The following LMTK3 variants were observed in gnomAD, a reference collection of about 807,000 sequenced individuals.
The protein encoded by LMTK3 is serine/threonine-protein kinase LMTK3.
In LMTK3, 27 loss-of-function variants were observed where a neutral mutation model predicts 116.7. The ratio of observed to expected loss-of-function variants is 0.23; its 90% CI spans 0.17 to 0.32. The LOEUF is 0.32. LMTK3 is among the 10% of genes least tolerant of loss of function. LMTK3 has a pLI of 1.00. For synonymous variants in LMTK3, 965 were observed against 971.0 expected, an observed-to-expected ratio of 0.99 and a Z score of 0.11; for missense variants, 1,764 against 2,068.5, an observed-to-expected ratio of 0.85 and a Z score of 2.86.
Position 48,499,397 on chromosome 19 carries a change from C to A in LMTK3, c.1672G>T (p.Asp558Tyr). Residue 558 changes from aspartate to tyrosine, a missense_variant, in exon 11 of 15, where the codon GAC becomes TAC. Physicochemically the swap from Asp to Tyr is radical, Grantham distance 160. Coordinates refer to ENST00000600059, the MANE Select transcript of LMTK3 (RefSeq NM_001388485.1). Reference protein sequence around the residue: ...PPEPLFPNDWDPLDPGVPAPQ... With the variant: ...PPEPLFPNDWYPLDPGVPAPQ... ...GCGGGCACTCCTGGGTCCAGGGGGT[C>A]CCAGTCGTTGGGGAAGAGGGGCTCA... 6.9e-7 allele frequency: 1 copy of A among 1,447,616 alleles called. No individual in the cohort carries two copies. The highest frequency in any genetic ancestry group is 1.5e-5 in the South Asian group (1 of 67,942). The allele number at this position is 1,447,616 out of a possible 1,614,324, so 89.7% of individuals were successfully genotyped here. A position where few individuals can be genotyped will look rare whatever the true frequency, so the allele number is the denominator to read the frequency against.
At chr19:48,512,698 A>G (rs577158115), upstream of LMTK3, among the ~76,000 whole-genome samples, 294 of 152,270 alleles carry the variant, frequency 1.9e-3, 2 homozygotes, top group African/African-American at 6.9e-3. Context: ...CGTAACATGC[A>G]TCACTCACAC....
Position 48,494,231 on chromosome 19 carries a change from A to C in LMTK3, c.3677-122T>G. On this transcript the variant is annotated intron_variant, in intron 11 of 14. Transcript: ENST00000600059. The surrounding 1 kb of genome is among the most constrained non-coding windows in gnomAD (Gnocchi z 4.0). Reference sequence around the variant, plus strand: ...CTGGGCCTCAGCACCCACTTTGTGAACGGAAGGGCTGCACCAGGGCTTCTC... The same window carrying C: ...CTGGGCCTCAGCACCCACTTTGTGACCGGAAGGGCTGCACCAGGGCTTCTC... 4.2e-6 allele frequency: 2 copies of C among 477,586 alleles called. No individual in the cohort carries two copies. Among genetic ancestry groups the C allele is most frequent in the Non-Finnish European group, 5.8e-6 (2 of 344,674 alleles). 29.6% of individuals were successfully genotyped at this position (477,586 alleles called of 1,614,324 possible).
In LMTK3 at chr19:48,499,225, C is replaced by T. The variant is rs1320125827; in HGVS notation, c.1844G>A (p.Arg615Gln). 2 of 1,382,784 alleles carry T rather than the reference C, an allele frequency of 1.4e-6. No homozygotes were observed. Among genetic ancestry groups the T allele is most frequent in the Non-Finnish European group, 1.9e-6 (2 of 1,063,240 alleles). The allele number at this position is 1,382,784 out of a possible 1,614,324, so 85.7% of individuals were successfully genotyped here. ...FLLSGWDPEG[R>Q]GAGETLAGDP... ...TCCCGCCAGGGTCTCCCCGGCGCCCCGGCCCTCGGGGTCCCAGCCGCTCAG... is the reference window on the plus strand; with the variant it reads ...TCCCGCCAGGGTCTCCCCGGCGCCCTGGCCCTCGGGGTCCCAGCCGCTCAG... The change falls in exon 11 of 15, where the codon CGG (arginine) becomes CAG (glutamine). Residue 615 changes from arginine (R) to glutamine (Q), a missense_variant. This residue lies in a region of LMTK3 where 1,028 missense variants were observed against 1,050.6 expected (regional missense o/e 0.98). Transcript: ENST00000600059.
intron 5 of LMTK3, among the ~76,000 whole-genome samples, chr19:48,504,316 G>A (rs1026865814): frequency 6.6e-6 from 1 of 152,130 alleles, no homozygotes; most frequent in Non-Finnish European, 1.5e-5. Context: ...CCCTCACGCT[G>A]TGGGAAAGAG....
rs181213946 is a variant in LMTK3, at chr19:48,495,262, G to A, written c.3677-1153C>T. Reference sequence around the variant, plus strand: ...TGACCTCAGGCGATCCTCCCACCTCGGCCTCCCAAAGTGCTGGGATTACAG... The same window carrying A: ...TGACCTCAGGCGATCCTCCCACCTCAGCCTCCCAAAGTGCTGGGATTACAG... On this transcript the variant is annotated intron_variant, in intron 11 of 14. Coordinates refer to ENST00000600059, the MANE Select transcript of LMTK3 (RefSeq NM_001388485.1). 7.2e-5 allele frequency among the ~76,000 whole-genome samples: 11 copies of A among 152,024 alleles called. No homozygotes were observed. The East Asian group carries it at 9.7e-4, about 13-fold the overall frequency.
chr19:48,513,307 C>G (rs904242219), upstream of LMTK3: 1 of 761,370 alleles, frequency 1.3e-6, no homozygotes, highest in Non-Finnish European at 2.3e-6. The surrounding 1 kb of genome is among the most constrained non-coding windows in gnomAD (Gnocchi z 5.6). Context: ...TCCTCACAAC[C>G]GCCCTCTGAG....
rs201144422 is a variant in LMTK3 at position 48,498,297 on chromosome 19, G to A, written c.2772C>T (p.Asn924=). ...CCCCGTTCTCCAGCACTGTCACCCC[G>A]TTCACTGGGAGGCTCAGGCTTGGGG... ...KQAPSLSLPV[N]GVTVLENGDQ... Residue 924 remains asparagine, a synonymous_variant, in exon 11 of 15, where the codon AAC becomes AAT. Transcript: ENST00000600059. 158 of 1,613,044 alleles carry A rather than the reference G, an allele frequency of 9.8e-5. 2 individuals are homozygous for A. In the Middle Eastern group the frequency reaches 1.2e-3, roughly 12 times the overall value.
chr19:48,497,334 T>C lies in LMTK3; in HGVS notation c.3676+59A>G. 1 of 1,407,392 alleles carries C rather than the reference T, an allele frequency of 7.1e-7. No homozygotes were observed. 87.2% of individuals were successfully genotyped at this position (1,407,392 alleles called of 1,614,324 possible). A position where few individuals can be genotyped will look rare whatever the true frequency, so the allele number is the denominator to read the frequency against. ...CCGACATGTTTACCCACACTCACCC[T>C]CCGCACGCCTCGGAAACAGCCGGAC... On this transcript the variant is annotated intron_variant, in intron 11 of 14. Transcript: ENST00000600059. The surrounding 1 kb of genome is among the most constrained non-coding windows in gnomAD (Gnocchi z 5.7).
chr19:48,495,440 G>A (rs1379404825), intron 11 of LMTK3, among the ~76,000 whole-genome samples: 1 of 152,200 alleles, frequency 6.6e-6, no homozygotes, highest in Non-Finnish European at 1.5e-5. Context: ...TTGGGAAAAA[G>A]CGGGCCATTC....
intron 7 of LMTK3, 91 bp downstream of exon 7, chr19:48,502,342 G>T: frequency 1.4e-6 from 2 of 1,436,056 alleles, no homozygotes; most frequent in Non-Finnish European, 1.9e-6. Context: ...GCCAGTCATG[G>T]GTCCGCCCCC....
chr19:48,499,680 G>A lies in LMTK3; in HGVS notation c.1389C>T (p.Asp463=), dbSNP rs1259915487. The A allele has an allele frequency of 4.6e-6, 7 of 1,530,830 alleles. No homozygotes were observed. The highest frequency in any genetic ancestry group is 6.2e-6 in the Non-Finnish European group (7 of 1,137,684). The allele number at this position is 1,530,830 out of a possible 1,614,324, so 94.8% of individuals were successfully genotyped here. ...TACTCTCGGTGACCGTGAGCACATC[G>A]TCGGGGTCGGCTCCAGGGAAGCCAT... ...LLDGFPGADP[D]DVLTVTESSR... is the part of the protein sequence containing the mutation. The change falls in exon 11 of 15, where the codon GAC becomes GAT. Residue 463 remains aspartate, a synonymous_variant. Coordinates refer to ENST00000600059, the MANE Select transcript of LMTK3 (RefSeq NM_001388485.1).
rs758225154 is a variant in LMTK3 at position 48,491,500 on chromosome 19, CG to C, written c.4131del (p.Glu1378ArgfsTer106). 3.7e-5 allele frequency: 52 copies of C among 1,396,386 alleles called. No homozygotes were observed. The highest frequency in any genetic ancestry group is 1.2e-4 in the South Asian group (7 of 59,348). The allele number at this position is 1,396,386 out of a possible 1,614,324, so 86.5% of individuals were successfully genotyped here. ...GGCGTTGACGGGTCCGTGTCCCCCT[CG>C]GGGGGGGCCTGGACGCTCAGCTCGT... ...PTNELSVQAPPEGDTDPSTPP... is the reference protein window; with the variant it reads ...PTNELSVQAPXEGDTDPSTPP... On this transcript the variant is annotated frameshift_variant, in exon 13 of 15. Transcript: ENST00000600059. LOFTEE classifies it high-confidence loss of function. The surrounding 1 kb of genome is among the most constrained non-coding windows in gnomAD (Gnocchi z 5.1).
chr19:48,507,293 G>A (rs959445932), intron 5 of LMTK3, among the ~76,000 whole-genome samples: 3 of 152,242 alleles, frequency 2.0e-5, no homozygotes, highest in African/African-American at 7.2e-5. Flanking sequence ...GAACAGAGGT[G>A]AAGCGACTTG....
At position 48,493,848 on chromosome 19, in the gene LMTK3, A is replaced by G. The variant is rs1419291528; in HGVS notation, c.3938T>C (p.Val1313Ala). The change falls in exon 12 of 15, where the codon GTC becomes GCC. Residue 1313 changes from valine (V) to alanine (A), a missense_variant. By Grantham distance (64) the Val-to-Ala change is moderately conservative (BLOSUM62 0). This residue lies in a region of LMTK3 where 281 missense variants were observed against 301.4 expected (regional missense o/e 0.93). Coordinates refer to ENST00000600059, the MANE Select transcript of LMTK3 (RefSeq NM_001388485.1). Reference sequence around the variant, plus strand: ...GTCCGCGTCGGCGCTGCTCACCACGACGGGCACCGGGGCTGCTCGCGCCCT... The same window carrying G: ...GTCCGCGTCGGCGCTGCTCACCACGGCGGGCACCGGGGCTGCTCGCGCCCT... The part of the protein sequence containing the change: ...PGRARAAPVP[V>A]VVSSADADAA... 5 of 1,400,192 alleles carry G rather than the reference A, an allele frequency of 3.6e-6. No individual in the cohort carries two copies. In the Admixed American group the frequency reaches 9.0e-5, roughly 25 times the overall value. 86.7% of individuals were successfully genotyped at this position (1,400,192 alleles called of 1,614,324 possible). A position where few individuals can be genotyped will look rare whatever the true frequency, so the allele number is the denominator to read the frequency against.
Position 48,497,690 on chromosome 19 carries a change from GGCC to G in LMTK3, c.3376_3378del (p.Gly1126del). 1 of 1,314,728 alleles carries G rather than the reference GGCC, an allele frequency of 7.6e-7. No homozygotes were observed. Among genetic ancestry groups the G allele is most frequent in the Non-Finnish European group, 9.7e-7 (1 of 1,035,972 alleles). 81.4% of individuals were successfully genotyped at this position (1,314,728 alleles called of 1,614,324 possible). On this transcript the variant is annotated inframe_deletion, in exon 11 of 15. Transcript: ENST00000600059. The surrounding 1 kb of genome is among the most constrained non-coding windows in gnomAD (Gnocchi z 5.7). ...GCCTTTGCGTCCACGCCGCTTCCGG[GGCC>G]GCCGCCGGGGGCCGTCCCCGTGCCC...
intron 10 of LMTK3, 68 bp from the exon 11 acceptor site, chr19:48,499,985 A>G: frequency 6.9e-7 from 1 of 1,445,470 alleles, no homozygotes; most frequent in Non-Finnish European, 9.3e-7. Context: ...CAGGGAGGGG[A>G]CAGACAACCA....
chr19:48,510,378 C>T (rs1972635812), intron 2 of LMTK3, 81 bp downstream of exon 2: 1 of 1,512,340 alleles, frequency 6.6e-7, no homozygotes, highest in African/African-American at 1.4e-5. Context: ...CTGCCCCCTT[C>T]TCCCCACCAA....
intron 3 of LMTK3, among the ~76,000 whole-genome samples, chr19:48,509,741 G>A (rs1015520607): frequency 6.6e-6 from 1 of 152,066 alleles, no homozygotes; most frequent in Non-Finnish European, 1.5e-5. Flanking sequence ...TGTGATTTCA[G>A]CCTCCCATTG....
At chr19:48,502,822 T>C (rs1382670423) in intron 6 of LMTK3, 87 bp downstream of exon 6, 5 of 1,000,248 alleles carry the variant, frequency 5.0e-6, no homozygotes, top group Non-Finnish European at 7.7e-6. Flanking sequence ...ATGATGATGA[T>C]GACGACGAAG....
Sources: allele counts gnomAD v4.1 joint callset (sites outside exome capture counted in the v4.1 genomes callset), GRCh38; gene constraint gnomAD v4.1.1; regional missense constraint gnomAD v4.1.1; non-coding constraint Gnocchi (gnomAD v3.1); transcripts MANE v1.5; gene names NCBI Gene and HGNC (gene_info 2026-07-23, HGNC 2026-07-21).